Variants in MYLIP observed in about 807,000 individuals in gnomAD.
The protein encoded by MYLIP is myosin regulatory light chain interacting protein, also known as E3 ubiquitin-protein ligase MYLIP.
A neutral mutation model predicts 45.8 loss-of-function variants in MYLIP; 26 were observed. The observed-to-expected ratio is 0.57, with a 90% confidence interval of 0.42 to 0.79. The LOEUF is 0.79. MYLIP is among the 30% of genes least tolerant of loss of function. The pLI, the probability that MYLIP is intolerant of heterozygous loss-of-function variation, is 0.00. For missense variants in MYLIP, 494 were observed against 555.6 expected (o/e 0.89, Z 1.11); for synonymous variants, 213 against 218.1 (o/e 0.98, Z 0.21).
intron 2 of MYLIP, among the ~76,000 whole-genome samples, chr6:16,137,144 T>C (rs1759572857): frequency 6.6e-6 from 1 of 152,242 alleles, no homozygotes; most frequent in Non-Finnish European, 1.5e-5. Context: ...GTTACGGTTT[T>C]AGCTTTTACA....
chr6:16,158,545 G>A, the MYLIP span, among the ~76,000 whole-genome samples: 1 of 152,180 alleles, frequency 6.6e-6, no homozygotes, highest in Non-Finnish European at 1.5e-5. Context: ...CATATATTCA[G>A]GAAGCAGAGT....
chr6:16,163,361 G>A, the MYLIP span: 2 of 152,124 alleles, frequency 1.3e-5, no homozygotes, highest in Non-Finnish European at 2.9e-5. Context: ...CAATGTGTTT[G>A]TTTTGCAGAA....
chr6:16,130,507 C>A, intron 1 of MYLIP, 50 bp from the exon 2 acceptor site: 1 of 1,579,488 alleles, frequency 6.3e-7, no homozygotes, highest in Non-Finnish European at 8.6e-7. Flanking sequence ...GTTGGGTTTG[C>A]TTTGATACGT....
At chr6:16,156,444 G>A in the MYLIP span, among the ~76,000 whole-genome samples, 1 of 152,330 alleles carries the variant, frequency 6.6e-6, no homozygotes, top group South Asian at 2.1e-4. Context: ...TTCAATGGCA[G>A]GAGAGTGAAG....
chr6:16,160,690 T>G, the MYLIP span, among the ~76,000 whole-genome samples: 19 of 152,080 alleles, frequency 1.2e-4, no homozygotes, highest in Non-Finnish European at 1.0e-4. Flanking sequence ...AAATCTCAGT[T>G]ACTCAGGAGG....
chr6:16,148,786 C>T (rs1412890728), downstream of MYLIP, among the ~76,000 whole-genome samples: 1 of 152,186 alleles, frequency 6.6e-6, no homozygotes, highest in Non-Finnish European at 1.5e-5. Flanking sequence ...TGCTGGTCTA[C>T]TCCTGCTAGG....
chr6:16,146,775 G>A lies in MYLIP; in HGVS notation c.*24G>A. 1 of 1,564,860 alleles carries A rather than the reference G, an allele frequency of 6.4e-7. No homozygotes were observed. The highest frequency in any genetic ancestry group is 2.3e-5 in the East Asian group (1 of 43,548). On this transcript the variant is annotated 3_prime_UTR_variant, in exon 7 of 7. Coordinates refer to ENST00000356840, the MANE Select transcript of MYLIP (RefSeq NM_013262.4). ...AATCTGTTGTGCTTTTGTTGGACTTGGCATGTTTCCATGAACTGCACTATT... is the reference window on the plus strand; with the variant it reads ...AATCTGTTGTGCTTTTGTTGGACTTAGCATGTTTCCATGAACTGCACTATT...
At chr6:16,156,197 T>C in the MYLIP span, among the ~76,000 whole-genome samples, 1 of 152,022 alleles carries the variant, frequency 6.6e-6, no homozygotes, top group Non-Finnish European at 1.5e-5. Context: ...GGGTGGGCCA[T>C]GGGTGGTTTT....
the MYLIP span, among the ~76,000 whole-genome samples, chr6:16,157,254 C>G: frequency 1.3e-5 from 2 of 152,240 alleles, no homozygotes; most frequent in African/African-American, 4.8e-5. Context: ...CAGCTTAAAT[C>G]TCACTACTTG....
At position 16,146,976 on chromosome 6, in the gene MYLIP, G is replaced by A. The variant is rs989406611; in HGVS notation, c.*225G>A. 17 of 414,204 alleles carry A rather than the reference G, an allele frequency of 4.1e-5. No homozygotes were observed. The highest frequency in any genetic ancestry group is 1.4e-4 in the East Asian group (4 of 28,100). The allele number at this position is 414,204 out of a possible 1,614,324, so 25.7% of individuals were successfully genotyped here. A position where few individuals can be genotyped will look rare whatever the true frequency, so the allele number is the denominator to read the frequency against. On this transcript the variant is annotated 3_prime_UTR_variant, in exon 7 of 7. Transcript: ENST00000356840. ...ATGGGACCAGGAGGAGCTCTGGGAC[G>A]CAGACACATTCCTTGGATGTTGATT...
At chr6:16,130,911 C>A (rs1490981740) in intron 2 of MYLIP, among the ~76,000 whole-genome samples, 164 bp downstream of exon 2, 1 of 151,660 alleles carries the variant, frequency 6.6e-6, no homozygotes, top group African/African-American at 2.4e-5. Context: ...GGAGGGGGAG[C>A]TACCTACTTG....
chr6:16,132,807 T>C (rs1009426175), intron 2 of MYLIP, among the ~76,000 whole-genome samples: 1 of 152,252 alleles, frequency 6.6e-6, no homozygotes, highest in African/African-American at 2.4e-5. Context: ...TGTTTAATTA[T>C]TTGTTGTAAA....
chr6:16,157,651 T>G, the MYLIP span, among the ~76,000 whole-genome samples: 1 of 152,222 alleles, frequency 6.6e-6, no homozygotes, highest in African/African-American at 2.4e-5. Context: ...TGGATCTGAC[T>G]GGATTGAAGA....
At chr6:16,135,755 C>CATATATATATA (rs1759539500) in intron 2 of MYLIP, among the ~76,000 whole-genome samples, 1 of 125,262 alleles carries the variant, frequency 8.0e-6, no homozygotes, top group Non-Finnish European at 1.7e-5. Context: ...ATACATATAT[C>CATATATATATA]TATATATATA....
In MYLIP at chr6:16,147,637, C is replaced by T. The variant is rs1457148652; in HGVS notation, c.*886C>T. 1 of 152,258 alleles carries T rather than the reference C, an allele frequency of 6.6e-6. No individual in the cohort carries two copies. The highest frequency in any genetic ancestry group is 1.5e-5 in the Non-Finnish European group (1 of 68,028). 9.4% of individuals were successfully genotyped at this position (152,258 alleles called of 1,614,324 possible). ...GAGGGTAGTTAACTCATCACTTCTC[C>T]CAAGCACTCGATCCCAGCTTCACCC... On this transcript the variant is annotated 3_prime_UTR_variant, in exon 7 of 7. Coordinates refer to ENST00000356840, the MANE Select transcript of MYLIP (RefSeq NM_013262.4).
chr6:16,129,255 A>G lies in MYLIP; in HGVS notation c.-68A>G. 6.7e-7 allele frequency: 1 copy of G among 1,490,158 alleles called. No individual in the cohort carries two copies. The highest frequency in any genetic ancestry group is 9.1e-7 in the Non-Finnish European group (1 of 1,096,204). The allele number at this position is 1,490,158 out of a possible 1,614,324, so 92.3% of individuals were successfully genotyped here. A position where few individuals can be genotyped will look rare whatever the true frequency, so the allele number is the denominator to read the frequency against. On this transcript the variant is annotated 5_prime_UTR_variant, in exon 1 of 7. Coordinates refer to ENST00000356840, the MANE Select transcript of MYLIP (RefSeq NM_013262.4). The surrounding 1 kb of genome is among the most constrained non-coding windows in gnomAD (Gnocchi z 5.1). ...TCCGAGTCCGGGGCTGGGTCCCACC[A>G]GTGACAAGGCGGCAGCCCCGCGCAC...
intron 6 of MYLIP, 22 bp from the exon 7 acceptor site, chr6:16,146,640 A>C (rs371556203): frequency 3.8e-5 from 60 of 1,593,590 alleles, no homozygotes; most frequent in Non-Finnish European, 5.0e-5. Context: ...GCTAACAGAG[A>C]CTGTTGGCTT....
In MYLIP at chr6:16,129,192, A is replaced by G. The variant is rs1213438506; in HGVS notation, c.-131A>G. On this transcript the variant is annotated 5_prime_UTR_variant, in exon 1 of 7. Transcript: ENST00000356840. The surrounding 1 kb of genome is among the most constrained non-coding windows in gnomAD (Gnocchi z 5.1). ...AGTGGCGGCCGCGGGGCCCCGGACAAGGGTCCGCAGAGCTGCAGCCTTCGA... is the reference window on the plus strand; with the variant it reads ...AGTGGCGGCCGCGGGGCCCCGGACAGGGGTCCGCAGAGCTGCAGCCTTCGA... 2.3e-5 allele frequency: 21 copies of G among 927,980 alleles called. No individual in the cohort carries two copies. The highest frequency in any genetic ancestry group is 3.2e-5 in the Non-Finnish European group (20 of 625,510). The allele number at this position is 927,980 out of a possible 1,614,324, so 57.5% of individuals were successfully genotyped here.
At chr6:16,130,012 G>T (rs1759425281) in intron 1 of MYLIP, among the ~76,000 whole-genome samples, 1 of 152,232 alleles carries the variant, frequency 6.6e-6, no homozygotes, top group African/African-American at 2.4e-5. Flanking sequence ...GGAGATCGGT[G>T]CCAAATAGTG....
Sources: gnomAD v4.1 joint callset for allele counts (sites outside exome capture counted in the v4.1 genomes callset) on GRCh38, gnomAD v4.1.1 for gene constraint, Gnocchi (gnomAD v3.1) non-coding constraint, MANE v1.5 for transcripts, NCBI Gene and HGNC (gene_info 2026-07-23, HGNC 2026-07-21) for gene names.